Variants in METTL17 observed in about 807,000 individuals in gnomAD.
METTL17 encodes the protein ribosome assembly protein METTL17, mitochondrial.
METTL17 carries 49 observed loss-of-function variants against 59.4 expected under a neutral mutation model. That is an observed-to-expected ratio of 0.82 (90% CI 0.66 to 1.05). METTL17 has a LOEUF of 1.05. Among genes scored for constraint, METTL17 ranks in the 50% least tolerant of loss-of-function variants. The pLI is 0.00. For missense variants in METTL17, 555 were observed against 578.4 expected, an observed-to-expected ratio of 0.96 and a Z score of 0.41; for synonymous variants, 208 against 209.2, an observed-to-expected ratio of 0.99 and a Z score of 0.05.
intron 5 of METTL17, 124 bp from the exon 6 acceptor site, chr14:20,992,994 T>G (rs1880120989): frequency 5.0e-6 from 4 of 799,354 alleles, no homozygotes; most frequent in South Asian, 4.4e-5. Context: ...CATAAGGTAT[T>G]TGTATTGAAT....
In METTL17 at chr14:20,996,509, CTA is replaced by C; in HGVS notation, c.1081-16_1081-15del. 2 of 1,604,334 alleles carry C rather than the reference CTA, an allele frequency of 1.2e-6. No individual in the cohort carries two copies. Among genetic ancestry groups the C allele is most frequent in the Non-Finnish European group, 1.7e-6 (2 of 1,173,598 alleles). ...CATATCTTTTTCTTCTAAACAGTCT[CTA>C]TGTTCCTTATCTTAGAACAAGAAAC... is the stretch of plus-strand genomic sequence containing the variant. On this transcript the variant is annotated splice_polypyrimidine_tract_variant and intron_variant, in intron 12 of 13. Transcript: ENST00000339374.
rs1161002595 is a variant in METTL17 at position 20,993,053 on chromosome 14, A to G, written c.529-65A>G. 3.0e-5 allele frequency: 42 copies of G among 1,388,008 alleles called. No individual in the cohort carries two copies. The Admixed American group carries it at 7.0e-4, about 23-fold the overall frequency. The allele number at this position is 1,388,008 out of a possible 1,614,324, so 86.0% of individuals were successfully genotyped here. On this transcript the variant is annotated intron_variant, in intron 5 of 13. Coordinates refer to ENST00000339374, the MANE Select transcript of METTL17 (RefSeq NM_022734.3). ...ATCCTCTGTGATAGCCTCCTAATTC[A>G]CATTTATCAAGGTCCTAAATAAGTA...
rs549611477 is a variant in METTL17 at position 20,992,779 on chromosome 14, A to C, written c.528+157A>C. 299 of 640,312 alleles carry C rather than the reference A, an allele frequency of 4.7e-4. 4 individuals are homozygous for C. In the South Asian group the frequency reaches 5.6e-3, roughly 12 times the overall value. 39.7% of individuals were successfully genotyped at this position (640,312 alleles called of 1,614,324 possible). On this transcript the variant is annotated intron_variant, in intron 5 of 13. Transcript: ENST00000339374. ...TAGTGGGCTCCTGCCTGCAGTCCCAACTGTTTGGGAGGCTGAGGCAGGAGG... is the reference window on the plus strand; with the variant it reads ...TAGTGGGCTCCTGCCTGCAGTCCCACCTGTTTGGGAGGCTGAGGCAGGAGG...
At chr14:20,994,491 G>C (rs199826075) in intron 7 of METTL17, 52 bp from the exon 8 acceptor site, 5 of 1,460,850 alleles carry the variant, frequency 3.4e-6, no homozygotes, top group Non-Finnish European at 3.8e-6. Flanking sequence ...TATCTCTTCA[G>C]TTTATACCTA....
At chr14:20,991,808 C>T (rs766658645) in intron 3 of METTL17, 4 of 277,532 alleles carry the variant, frequency 1.4e-5, no homozygotes, top group South Asian at 3.4e-5. Context: ...AGCTTACAGG[C>T]GTGAGCCACC....
In METTL17 at chr14:20,994,034, T is replaced by C. The variant is rs1428029313; in HGVS notation, c.668T>C (p.Met223Thr). ...EYMCVDRSAA[M>T]LVLAEKLLKG... ...ATGTGTGTGGACAGATCAGCTGCCA[T>C]GTTGGTTTTGGCAGAAAAACTACTG... Residue 223 changes from methionine (M) to threonine (T), a missense_variant, in exon 7 of 14, where the codon ATG (methionine) becomes ACG (threonine). Physicochemically the swap from Met to Thr is moderately conservative, Grantham distance 81. Transcript: ENST00000339374. The C allele has an allele frequency of 1.8e-5, 29 of 1,613,748 alleles. No homozygotes were observed. The highest frequency in any genetic ancestry group is 2.3e-5 in the Non-Finnish European group (27 of 1,179,898).
Position 20,994,780 on chromosome 14 carries a change from G to A in METTL17, c.769-14G>A. 2 of 1,606,738 alleles carry A rather than the reference G, an allele frequency of 1.2e-6. No individual in the cohort carries two copies. The highest frequency in any genetic ancestry group is 2.2e-5 in the East Asian group (1 of 44,862). Reference sequence around the variant, plus strand: ...AGATGTTGAGTCTGTCATGTTCCTTGTCTTGGTCCTCAGGTGCAGTTTGAT... The same window carrying A: ...AGATGTTGAGTCTGTCATGTTCCTTATCTTGGTCCTCAGGTGCAGTTTGAT... On this transcript the variant is annotated splice_polypyrimidine_tract_variant and intron_variant, in intron 8 of 13. Transcript: ENST00000339374.
chr14:20,994,675 G>C, intron 8 of METTL17, 62 bp downstream of exon 8: 2 of 1,557,324 alleles, frequency 1.3e-6, no homozygotes, highest in Admixed American at 1.7e-5. Context: ...ACTATGGCTT[G>C]AGCTTTGCAG....
chr14:20,993,145 C>G lies in METTL17; in HGVS notation c.556C>G (p.Pro186Ala). Residue 186 changes from proline (P) to alanine (A), a missense_variant, in exon 6 of 14, where the codon CCA (proline) becomes GCA (alanine). By Grantham distance (27) the Pro-to-Ala change is conservative. Transcript: ENST00000339374. ...CCGGGCTCGAAATCCAGCATTTCAG[C>G]CACAAACTTTGATGGACTTTGGCTC... ...EIRARNPAFQ[P>A]QTLMDFGSGT... The G allele has an allele frequency of 1.9e-6, 3 of 1,614,124 alleles. No homozygotes were observed. Among genetic ancestry groups the G allele is most frequent in the South Asian group, 2.2e-5 (2 of 91,068 alleles).
chr14:20,992,857 A>G, intron 5 of METTL17: 2 of 603,622 alleles, frequency 3.3e-6, no homozygotes, highest in East Asian at 5.5e-5. Flanking sequence ...ACTGTACTCC[A>G]GCCTGGTGAC....
intron 4 of METTL17, 27 bp downstream of exon 4, chr14:20,992,232 A>G (rs1049570809): frequency 2.1e-6 from 3 of 1,417,682 alleles, no homozygotes; most frequent in Non-Finnish European, 2.9e-6. Context: ...GAGGTGCACA[A>G]GAAAGCAAAG....
intron 11 of METTL17, 48 bp from the exon 12 acceptor site, chr14:20,996,161 G>T: frequency 6.4e-7 from 1 of 1,555,250 alleles, no homozygotes; most frequent in Non-Finnish European, 8.9e-7. Flanking sequence ...TTTAAGTTTT[G>T]TGATTGATGG....
At chr14:20,994,170 C>G in intron 7 of METTL17, 107 bp downstream of exon 7, 2 of 797,678 alleles carry the variant, frequency 2.5e-6, no homozygotes, top group South Asian at 1.6e-5. Context: ...TAAGATGAAT[C>G]TGGTTTACTT....
In METTL17 at chr14:20,994,626, G is replaced by A; in HGVS notation, c.768+13G>A. 1.9e-6 allele frequency: 3 copies of A among 1,611,952 alleles called. No homozygotes were observed. Among genetic ancestry groups the A allele is most frequent in the Non-Finnish European group, 2.5e-6 (3 of 1,177,970 alleles). On this transcript the variant is annotated intron_variant, in intron 8 of 13. Coordinates refer to ENST00000339374, the MANE Select transcript of METTL17 (RefSeq NM_022734.3). ...TGTATCACCCAAGGCAAGTGGCAGT[G>A]TTTAGAATATTCTAAATGTGGAATG...
At chr14:20,990,189 C>G (rs767632449) in intron 1 of METTL17, 41 bp from the exon 2 acceptor site, 1 of 1,612,892 alleles carries the variant, frequency 6.2e-7, no homozygotes, top group Admixed American at 1.7e-5. Context: ...CAGCAACTTT[C>G]CTTTCTGCCA....
rs17092373 is a variant in METTL17 at position 20,990,460 on chromosome 14, A to T, written c.230-4A>T. ...TGATTCCGCTTTTCGTCTTTGGCCC[A>T]TAGGGAGCGCTGGGCCCACTATGGA... On this transcript the variant is annotated splice_region_variant and splice_polypyrimidine_tract_variant and intron_variant, in intron 2 of 13. Transcript: ENST00000339374. 5 of 1,614,004 alleles carry T rather than the reference A, an allele frequency of 3.1e-6. No homozygotes were observed. In the African/African-American group the frequency reaches 6.7e-5, roughly 22 times the overall value.
intron 1 of METTL17, 25 bp downstream of exon 1, chr14:20,990,102 C>G (rs1192289742): frequency 1.9e-6 from 3 of 1,612,526 alleles, no homozygotes; most frequent in Non-Finnish European, 2.5e-6. Context: ...TCCCTGCTGT[C>G]GGAGAGACTC....
intron 4 of METTL17, 37 bp from the exon 5 acceptor site, chr14:20,992,504 T>C: frequency 6.7e-7 from 1 of 1,481,634 alleles, no homozygotes; most frequent in Non-Finnish European, 9.4e-7. Context: ...ATTAAGGTTA[T>C]TTACTAGTAT....
At chr14:20,990,949 G>A (rs1476009640) in intron 3 of METTL17, among the ~76,000 whole-genome samples, 1 of 152,056 alleles carries the variant, frequency 6.6e-6, no homozygotes, top group Non-Finnish European at 1.5e-5. Context: ...TCCTGCCTCA[G>A]CCTCTTCAGT....
Sources: allele counts gnomAD v4.1 joint callset (sites outside exome capture counted in the v4.1 genomes callset), GRCh38; gene constraint gnomAD v4.1.1; transcripts MANE v1.5; gene names NCBI Gene and HGNC (gene_info 2026-07-23, HGNC 2026-07-21).